ZFHX3: variants seen among roughly 807,000 people sequenced by gnomAD.
The protein encoded by ZFHX3 is zinc finger homeobox 3, also known as zinc finger homeobox protein 3.
A neutral mutation model predicts 279.1 loss-of-function variants in ZFHX3; 42 were observed. The observed-to-expected ratio is 0.15, with a 90% confidence interval of 0.12 to 0.19. The LOEUF is 0.19. ZFHX3 is among the 10% of genes least tolerant of loss of function. The probability of loss-of-function intolerance (pLI) is 1.00; values close to 1 mark genes in which losing one functional copy is unlikely to be tolerated. For missense variants in ZFHX3, 4,981 were observed against 4,754.0 expected, an observed-to-expected ratio of 1.05 and a Z score of -1.40; for synonymous variants, 2,293 against 1,957.8, an observed-to-expected ratio of 1.17 and a Z score of -4.52.
At position 72,794,449 on chromosome 16, in the gene ZFHX3, G is replaced by A; in HGVS notation, c.8233C>T (p.Leu2745=). ...TCTAAGAGCATCGCAGACAGAGTTA[G>A]GTTGTAGCCAGCTCTCTTGGCTTCA... is the stretch of plus-strand genomic sequence containing the variant. ...WHEAKRAGYN[L]TLSAMLLDCD... is the part of the protein sequence containing the mutation. The change falls in exon 9 of 10, where the codon CTA becomes TTA. Residue 2745 remains leucine, a synonymous_variant. Transcript: ENST00000268489. This position sits in a 1 kb window ranked among gnomAD's most constrained non-coding sequence, Gnocchi z 4.2. 4 of 1,614,118 alleles carry A rather than the reference G, an allele frequency of 2.5e-6. No homozygotes were observed. In the African/African-American group the frequency reaches 4.0e-5, roughly 16 times the overall value.
intron 4 of ZFHX3, among the ~76,000 whole-genome samples, chr16:72,858,329 G>A (rs1397115173): frequency 2.0e-5 from 3 of 152,286 alleles, no homozygotes; most frequent in African/African-American, 7.2e-5. Context: ...TAATTCAAGC[G>A]ACACTGATGT....
At position 72,803,553 on chromosome 16, in the gene ZFHX3, C is replaced by A. The variant is rs1267933595; in HGVS notation, c.3865-3424G>T. 2.0e-5 allele frequency among the ~76,000 whole-genome samples: 3 copies of A among 152,160 alleles called. No homozygotes were observed. In the East Asian group the frequency reaches 5.8e-4, roughly 29 times the overall value. Reference sequence around the variant, plus strand: ...TATACATGCTTTCTCTCTGTTCCTTCTTCCCCTCTCTGGCCGCAATCCTAC... The same window carrying A: ...TATACATGCTTTCTCTCTGTTCCTTATTCCCCTCTCTGGCCGCAATCCTAC... On this transcript the variant is annotated intron_variant, in intron 7 of 9. Coordinates refer to ENST00000268489, the MANE Select transcript of ZFHX3 (RefSeq NM_006885.4).
intron 2 of ZFHX3, among the ~76,000 whole-genome samples, chr16:73,505,500 C>G (rs141326427): frequency 6.6e-6 from 1 of 151,750 alleles, no homozygotes; most frequent in Non-Finnish European, 1.5e-5. Context: ...GAAACCTGTC[C>G]GTTAACTACT....
chr16:73,698,588 G>A (rs368228776), intron 1 of ZFHX3, among the ~76,000 whole-genome samples: 16 of 152,230 alleles, frequency 1.1e-4, no homozygotes, highest in Non-Finnish European at 1.3e-4. Context: ...CTAAGAAGGC[G>A]CATCACCTCC....
intron 3 of ZFHX3, among the ~76,000 whole-genome samples, chr16:73,399,888 C>G (rs2017214642): frequency 1.3e-5 from 2 of 150,034 alleles, no homozygotes; most frequent in South Asian, 4.2e-4. Context: ...GGGTACACCC[C>G]CAGAGGCTGG....
intron 2 of ZFHX3, among the ~76,000 whole-genome samples, chr16:72,955,827 C>G (rs1456909958): frequency 2.0e-5 from 3 of 151,596 alleles, no homozygotes; most frequent in South Asian, 2.1e-4. Context: ...AACCTACCCA[C>G]GTTCCCACGT....
intron 7 of ZFHX3, among the ~76,000 whole-genome samples, chr16:73,116,883 C>T (rs1026215048): frequency 3.3e-5 from 5 of 152,182 alleles, no homozygotes; most frequent in African/African-American, 9.7e-5. Context: ...AAAAGCCTGG[C>T]CTGCCTCATC....
chr16:73,111,670 C>T (rs535851046), intron 7 of ZFHX3, among the ~76,000 whole-genome samples: 1 of 57,578 alleles, frequency 1.7e-5, no homozygotes, highest in East Asian at 7.3e-4. Flanking sequence ...AAGGAGAGAG[C>T]GAAAGAGAGG....
chr16:73,730,901 C>T (rs16972410), intron 1 of ZFHX3, among the ~76,000 whole-genome samples: 19,664 of 152,134 alleles, frequency 0.13, 1,653 homozygotes, highest in African/African-American at 0.23. Context: ...CCGTAGGTGT[C>T]GCTGTGGTCC....
At chr16:73,108,139 C>G (rs912153778) in intron 7 of ZFHX3, among the ~76,000 whole-genome samples, 1 of 151,890 alleles carries the variant, frequency 6.6e-6, no homozygotes, top group Non-Finnish European at 1.5e-5. Context: ...CCAGCCTGGG[C>G]GACAGAGCAA....
At chr16:73,142,970 T>A (rs1358671714) in intron 6 of ZFHX3, among the ~76,000 whole-genome samples, 2 of 152,180 alleles carry the variant, frequency 1.3e-5, no homozygotes, top group East Asian at 3.9e-4. Flanking sequence ...TCTGCCAGGA[T>A]ACAATTTGGT....
chr16:73,872,758 G>A (rs1432741823), intron 1 of ZFHX3, among the ~76,000 whole-genome samples: 1 of 80,118 alleles, frequency 1.2e-5, no homozygotes, highest in Non-Finnish European at 2.4e-5. Flanking sequence ...GGGGGTTGGT[G>A]GTGGTGGTAG....
chr16:73,417,424 G>T (rs187313039), intron 3 of ZFHX3, among the ~76,000 whole-genome samples: 76 of 143,702 alleles, frequency 5.3e-4, no homozygotes, highest in Non-Finnish European at 9.3e-4. Flanking sequence ...TGGAGACAGG[G>T]TCTTGCTATG....
intron 5 of ZFHX3, among the ~76,000 whole-genome samples, chr16:73,164,120 C>A (rs1248683694): frequency 1.3e-5 from 2 of 152,154 alleles, no homozygotes; most frequent in Non-Finnish European, 2.9e-5. Flanking sequence ...TGACTATGTG[C>A]AGCAGATGAA....
intron 7 of ZFHX3, among the ~76,000 whole-genome samples, chr16:73,128,391 A>G (rs1262121304): frequency 2.6e-5 from 4 of 152,270 alleles, no homozygotes; most frequent in Admixed American, 6.5e-5. Flanking sequence ...AACCATGTGA[A>G]GAAACTATTC....
chr16:73,038,217 T>C (rs1294332211), intron 1 of ZFHX3, among the ~76,000 whole-genome samples: 1 of 151,898 alleles, frequency 6.6e-6, no homozygotes, highest in African/African-American at 2.4e-5. Flanking sequence ...CCTCGGGATA[T>C]TGACTCCCCC....
intron 1 of ZFHX3, among the ~76,000 whole-genome samples, chr16:73,719,855 A>G (rs929022582): frequency 6.7e-6 from 1 of 150,286 alleles, no homozygotes; most frequent in African/African-American, 2.4e-5. Context: ...CTGGTCTCAA[A>G]CTCCCAACCT....
chr16:73,729,919 T>G (rs1373344910), intron 1 of ZFHX3, among the ~76,000 whole-genome samples: 2 of 152,334 alleles, frequency 1.3e-5, no homozygotes, highest in Admixed American at 1.3e-4. Flanking sequence ...GTAAAAAATA[T>G]GTACAGCTAA....
intron 5 of ZFHX3, among the ~76,000 whole-genome samples, chr16:73,235,385 T>A (rs1208454535): frequency 6.6e-6 from 1 of 152,152 alleles, no homozygotes; most frequent in African/African-American, 2.4e-5. Context: ...GCCCGGCCAC[T>A]TTTTCTTTAT....
Sources: allele counts gnomAD v4.1 joint callset (sites outside exome capture counted in the v4.1 genomes callset), GRCh38; gene constraint gnomAD v4.1.1; non-coding constraint Gnocchi (gnomAD v3.1); transcripts MANE v1.5; gene names NCBI Gene and HGNC (gene_info 2026-07-23, HGNC 2026-07-21).